The following ZFYVE28 variants were observed in gnomAD, a reference collection of about 807,000 sequenced individuals.
The protein encoded by ZFYVE28 is lateral signaling target protein 2 homolog.
ZFYVE28 carries 40 observed loss-of-function variants against 82.1 expected under a neutral mutation model. The observed-to-expected ratio is 0.49, with a 90% CI of 0.38 to 0.63. The LOEUF is 0.63. Ranked by LOEUF, ZFYVE28 falls within the 30% of genes least tolerant of loss-of-function variation. The probability of loss-of-function intolerance (pLI) is 0.00; values close to 1 mark genes in which losing one functional copy is unlikely to be tolerated. For missense variants in ZFYVE28, 1,321 were observed against 1,242.1 expected (o/e 1.06, Z -0.96); for synonymous variants, 612 against 546.1 (o/e 1.12, Z -1.68).
intron 2 of ZFYVE28, among the ~76,000 whole-genome samples, chr4:2,345,054 A>G (rs1437869130): frequency 2.0e-5 from 3 of 151,796 alleles, no homozygotes; most frequent in Non-Finnish European, 2.9e-5. Flanking sequence ...TACTAAAAAT[A>G]CAAAAAAAAT....
At chr4:2,282,921 A>G (rs1210995576) in intron 8 of ZFYVE28, among the ~76,000 whole-genome samples, 1 of 152,222 alleles carries the variant, frequency 6.6e-6, no homozygotes, top group African/African-American at 2.4e-5. Flanking sequence ...CTAAAGAAAA[A>G]TAAATAAAAA....
intron 1 of ZFYVE28, among the ~76,000 whole-genome samples, chr4:2,401,977 G>A (rs1731234021): frequency 6.6e-6 from 1 of 152,228 alleles, no homozygotes; most frequent in Non-Finnish European, 1.5e-5. Context: ...AGGGATTTGG[G>A]TCGGGCAGCT....
In ZFYVE28 at chr4:2,305,334, G is replaced by T. The variant is rs753039589; in HGVS notation, c.1006C>A (p.Gln336Lys). The T allele has an allele frequency of 6.2e-6, 10 of 1,613,164 alleles. No homozygotes were observed. Among genetic ancestry groups the T allele is most frequent in the Non-Finnish European group, 8.5e-6 (10 of 1,180,020 alleles). ...DPDAELACSM[Q>K]YDDQELEQLS... ...TGCTCCAGCTCCTGGTCGTCGTACT[G>T]CATGGAGCAGGCCAGCTCTGCATCC... The change falls in exon 8 of 13, where the codon CAG (glutamine) becomes AAG (lysine). Residue 336 changes from glutamine (Q) to lysine (K), a missense_variant. Physicochemically the swap from Gln to Lys is moderately conservative, Grantham distance 53. This residue lies in a region of ZFYVE28 where 978 missense variants were observed against 833.7 expected (regional missense o/e 1.17). Transcript: ENST00000290974.
At chr4:2,349,073 G>A (rs1723977897) in intron 2 of ZFYVE28, among the ~76,000 whole-genome samples, 1 of 152,056 alleles carries the variant, frequency 6.6e-6, no homozygotes, top group Admixed American at 6.6e-5. Context: ...TGAAATAAGA[G>A]AATCGGACCA....
Position 2,335,350 on chromosome 4 carries a change from C to A in ZFYVE28, c.701+355G>T, listed in dbSNP as rs1048200109. On this transcript the variant is annotated intron_variant, in intron 6 of 12. Coordinates refer to ENST00000290974, the MANE Select transcript of ZFYVE28 (RefSeq NM_020972.3). This position sits in a 1 kb window ranked among gnomAD's most constrained non-coding sequence, Gnocchi z 5.8. ...CCAAGTCTGCCTCCCACAGCCCCTG[C>A]GTGGCCACTCTGTTCCGAGCATGAC... is the stretch of plus-strand genomic sequence containing the variant. Among the ~76,000 whole-genome samples the A allele has an allele frequency of 6.6e-6, 1 of 152,170 alleles. No individual in the cohort carries two copies. The highest frequency in any genetic ancestry group is 1.5e-5 in the Non-Finnish European group (1 of 68,022).
In ZFYVE28 at chr4:2,330,795, C is replaced by T. The variant is rs1320177571; in HGVS notation, c.701+4910G>A. On this transcript the variant is annotated intron_variant, in intron 6 of 12. Transcript: ENST00000290974. ...TAGGGATAGGACAGTCAAGGGGACC[C>T]TGAGCGAAGGGGACAGCATGGTGGA... is the stretch of plus-strand genomic sequence containing the variant. 7.8e-6 allele frequency: 12 copies of T among 1,528,868 alleles called. No homozygotes were observed. The East Asian group carries it at 9.8e-5, about 13-fold the overall frequency. 94.7% of individuals were successfully genotyped at this position (1,528,868 alleles called of 1,614,324 possible).
chr4:2,315,429 A>G (rs575989062), intron 7 of ZFYVE28, among the ~76,000 whole-genome samples: 36 of 152,162 alleles, frequency 2.4e-4, no homozygotes, highest in African/African-American at 8.7e-4. Flanking sequence ...GCCCGCCACC[A>G]CGCCTGGCTG....
intron 9 of ZFYVE28, 110 bp downstream of exon 9, chr4:2,273,952 C>A (rs1172906210): frequency 1.6e-6 from 2 of 1,284,790 alleles, no homozygotes; most frequent in Non-Finnish European, 2.2e-6. Flanking sequence ...GAGTGGGCTG[C>A]TGTTTACAGG....
chr4:2,352,132 G>A (rs1021080661), intron 2 of ZFYVE28, among the ~76,000 whole-genome samples: 3 of 152,146 alleles, frequency 2.0e-5, no homozygotes, highest in African/African-American at 7.2e-5. Context: ...AACAATGCAT[G>A]TATAAATGGA....
chr4:2,310,551 C>T (rs1717333025), intron 7 of ZFYVE28, among the ~76,000 whole-genome samples: 1 of 152,102 alleles, frequency 6.6e-6, no homozygotes, highest in Non-Finnish European at 1.5e-5. Context: ...TGCCTGTAAT[C>T]ACAGCATTTT....
chr4:2,359,712 C>T (rs887472621), intron 1 of ZFYVE28, among the ~76,000 whole-genome samples: 9 of 152,200 alleles, frequency 5.9e-5, no homozygotes, highest in African/African-American at 1.2e-4. Context: ...TCCTTTGTTG[C>T]GGCCGCCTGA....
At chr4:2,338,117 G>A (rs573602984) in intron 4 of ZFYVE28, among the ~76,000 whole-genome samples, 69 of 152,310 alleles carry the variant, frequency 4.5e-4, no homozygotes, top group Admixed American at 1.2e-3. Context: ...GAATGAACAC[G>A]TGCACGGGTG....
intron 12 of ZFYVE28, chr4:2,271,107 G>C: frequency 1.4e-6 from 1 of 734,782 alleles, no homozygotes; most frequent in Middle Eastern, 4.0e-4. Context: ...TGCAGCAGCC[G>C]GGACTGGACA....
At chr4:2,318,167 G>C (rs975484370) in intron 7 of ZFYVE28, among the ~76,000 whole-genome samples, 2 of 152,214 alleles carry the variant, frequency 1.3e-5, no homozygotes, top group Admixed American at 1.3e-4. Context: ...CCCTGGGGAA[G>C]AACAGCCAAG....
intron 1 of ZFYVE28, among the ~76,000 whole-genome samples, chr4:2,411,742 A>G (rs1273779622): frequency 6.6e-6 from 1 of 152,150 alleles, no homozygotes; most frequent in Non-Finnish European, 1.5e-5. Flanking sequence ...ACGTTCACAA[A>G]TGACCCTCAC....
intron 1 of ZFYVE28, among the ~76,000 whole-genome samples, chr4:2,369,935 C>A (rs1727343286): frequency 6.8e-6 from 1 of 148,016 alleles, no homozygotes; most frequent in Admixed American, 6.8e-5. Flanking sequence ...ACTGCAACCT[C>A]CGCCTCCCGG....
chr4:2,401,319 C>T (rs1731150695), intron 1 of ZFYVE28, among the ~76,000 whole-genome samples: 1 of 152,184 alleles, frequency 6.6e-6, no homozygotes, highest in Non-Finnish European at 1.5e-5. Context: ...CCAGGGGTGC[C>T]CCAGTTACAG....
intron 12 of ZFYVE28, 60 bp downstream of exon 12, chr4:2,271,251 G>A: frequency 6.5e-7 from 1 of 1,531,292 alleles, no homozygotes; most frequent in Non-Finnish European, 8.9e-7. Context: ...CAGACCTCAG[G>A]CTCTGTCCGT....
chr4:2,330,535 G>A (rs1400134662), intron 6 of ZFYVE28: 1 of 1,161,604 alleles, frequency 8.6e-7, no homozygotes, highest in Non-Finnish European at 1.1e-6. Flanking sequence ...GCAGAGGAAG[G>A]GACAGCATGG....
Sources: gnomAD v4.1 joint callset for allele counts (sites outside exome capture counted in the v4.1 genomes callset) on GRCh38, gnomAD v4.1.1 for gene constraint, gnomAD v4.1.1 regional missense constraint, Gnocchi (gnomAD v3.1) non-coding constraint, MANE v1.5 for transcripts, NCBI Gene and HGNC (gene_info 2026-07-23, HGNC 2026-07-21) for gene names.